Variants in CDC42BPA observed in about 807,000 individuals in gnomAD.
CDC42BPA encodes CDC42 binding protein kinase alpha.
In CDC42BPA, 80 loss-of-function variants were observed where a neutral mutation model predicts 223.5. The observed-to-expected ratio is 0.36, with a 90% confidence interval of 0.30 to 0.43. CDC42BPA has a LOEUF of 0.43. Among genes scored for constraint, CDC42BPA ranks in the 20% least tolerant of loss-of-function variants. The pLI, the probability that CDC42BPA is intolerant of heterozygous loss-of-function variation, is 1.00. For missense variants in CDC42BPA, 1,743 were observed against 2,099.9 expected, an observed-to-expected ratio of 0.83 and a Z score of 3.32; for synonymous variants, 694 against 718.6, an observed-to-expected ratio of 0.97 and a Z score of 0.55.
At chr1:227,008,371 T>C (rs1664507728) in intron 34 of CDC42BPA, among the ~76,000 whole-genome samples, 2 of 152,364 alleles carry the variant, frequency 1.3e-5, no homozygotes, top group East Asian at 1.9e-4. Context: ...TTTGCTATAA[T>C]ATGGTATAGA....
intron 1 of CDC42BPA, among the ~76,000 whole-genome samples, chr1:227,301,204 C>T (rs1691564279): frequency 6.6e-6 from 1 of 152,184 alleles, no homozygotes; most frequent in African/African-American, 2.4e-5. Flanking sequence ...AAGAAAAAGA[C>T]TGATCTGCTC....
chr1:227,311,102 C>T (rs1316839892), intron 1 of CDC42BPA, among the ~76,000 whole-genome samples: 3 of 152,136 alleles, frequency 2.0e-5, no homozygotes, highest in Admixed American at 6.5e-5. Context: ...ACTTGCAATT[C>T]CAACACTTTG....
chr1:227,282,782 G>A (rs968074452), intron 1 of CDC42BPA, among the ~76,000 whole-genome samples: 25 of 152,296 alleles, frequency 1.6e-4, no homozygotes, highest in African/African-American at 5.5e-4. Flanking sequence ...AGGTACTTAA[G>A]AGTAGTCAAA....
intron 12 of CDC42BPA, among the ~76,000 whole-genome samples, chr1:227,118,712 G>A (rs549566005): frequency 2.8e-4 from 42 of 152,140 alleles, no homozygotes; most frequent in African/African-American, 9.9e-4. Flanking sequence ...CGCCGATTAT[G>A]TTAACTAAAT....
rs1366159365 is a variant in CDC42BPA at position 227,139,645 on chromosome 1, T to C, written c.1321A>G (p.Thr441Ala). The C allele has an allele frequency of 4.3e-6, 7 of 1,612,156 alleles. No individual in the cohort carries two copies. The highest frequency in any genetic ancestry group is 5.1e-6 in the Non-Finnish European group (6 of 1,179,122). ...VQRTLDNNLA[T>A]EAYERRIKRL... is the part of the protein sequence containing the mutation. Reference sequence around the variant, plus strand: ...TTAATTCTTCTTTCATAAGCTTCAGTTGCTAAGTTGTTGTCTAGAGTCCTC... The same window carrying C: ...TTAATTCTTCTTTCATAAGCTTCAGCTGCTAAGTTGTTGTCTAGAGTCCTC... Residue 441 changes from threonine to alanine, a missense_variant, in exon 10 of 37, where the codon ACT becomes GCT. Physicochemically the swap from Thr to Ala is moderately conservative, Grantham distance 58. Coordinates refer to ENST00000366766, the MANE Select transcript of CDC42BPA (RefSeq NM_001394014.1).
intron 1 of CDC42BPA, among the ~76,000 whole-genome samples, chr1:227,299,360 T>C (rs1572943601): frequency 6.6e-6 from 1 of 152,200 alleles, no homozygotes; most frequent in South Asian, 2.1e-4. Flanking sequence ...GAAATACTTC[T>C]ACAGCTGGAG....
intron 1 of CDC42BPA, among the ~76,000 whole-genome samples, chr1:227,298,175 C>T (rs962824943): frequency 6.6e-6 from 1 of 151,468 alleles, no homozygotes; most frequent in Non-Finnish European, 1.5e-5. Flanking sequence ...AGAATACCTC[C>T]CTCCCCAGAG....
At chr1:227,198,181 T>C (rs1572293153) in intron 4 of CDC42BPA, among the ~76,000 whole-genome samples, 1 of 151,990 alleles carries the variant, frequency 6.6e-6, no homozygotes, top group Admixed American at 6.5e-5. Context: ...CTGGGCATGG[T>C]GGCTCATGCC....
chr1:227,318,157 G>GGGGGC lies in CDC42BPA; in HGVS notation c.-976_-975insGCCCC, dbSNP rs1260360493. ...GGAGGCTCCCGACGCCCCAGGCGGG[G>GGGGGC]GGGTGCTTCTCTGAATTCAAAGGAC... is the stretch of plus-strand genomic sequence containing the variant. On this transcript the variant is annotated 5_prime_UTR_variant, in exon 1 of 37. Transcript: ENST00000366766. 1 of 166,726 alleles carries GGGGGC rather than the reference G, an allele frequency of 6.0e-6. No homozygotes were observed. Among genetic ancestry groups the GGGGGC allele is most frequent in the African/African-American group, 2.4e-5 (1 of 41,764 alleles). 10.3% of individuals were successfully genotyped at this position (166,726 alleles called of 1,614,324 possible). A position where few individuals can be genotyped will look rare whatever the true frequency, so the allele number is the denominator to read the frequency against.
intron 11 of CDC42BPA, among the ~76,000 whole-genome samples, chr1:227,124,993 C>T (rs1689295377): frequency 6.6e-6 from 1 of 152,038 alleles, no homozygotes; most frequent in African/African-American, 2.4e-5. Flanking sequence ...TGATAAACAA[C>T]ATAACGGTGA....
intron 32 of CDC42BPA, among the ~76,000 whole-genome samples, chr1:227,017,591 T>C (rs761439714): frequency 2.8e-4 from 42 of 152,230 alleles, no homozygotes; most frequent in South Asian, 8.3e-4. Flanking sequence ...GTGCTTCCAC[T>C]ACCCTTCCTT....
chr1:227,179,950 G>A (rs972593394), intron 5 of CDC42BPA, among the ~76,000 whole-genome samples: 1 of 152,174 alleles, frequency 6.6e-6, no homozygotes, highest in African/African-American at 2.4e-5. Flanking sequence ...GTTCACGCCT[G>A]TAATCCCAGT....
intron 5 of CDC42BPA, among the ~76,000 whole-genome samples, chr1:227,169,464 A>G (rs892839856): frequency 5.3e-5 from 8 of 152,076 alleles, no homozygotes; most frequent in Admixed American, 5.2e-4. Flanking sequence ...TTTCTTGGGA[A>G]GAAGTTTCTT....
chr1:227,197,092 T>G (rs1179974922), intron 4 of CDC42BPA, among the ~76,000 whole-genome samples: 1 of 152,186 alleles, frequency 6.6e-6, no homozygotes, highest in Admixed American at 6.5e-5. Context: ...ACTATTGTAG[T>G]AAGTAGGTTA....
intron 3 of CDC42BPA, among the ~76,000 whole-genome samples, chr1:227,209,525 C>T (rs372252477): frequency 2.9e-5 from 4 of 138,010 alleles, no homozygotes; most frequent in Non-Finnish European, 6.2e-5. Context: ...TTTTGAAATA[C>T]GTCCCATCAA....
At chr1:227,213,760 TAC>T (rs1674351499) in intron 2 of CDC42BPA, among the ~76,000 whole-genome samples, 1 of 151,900 alleles carries the variant, frequency 6.6e-6, no homozygotes, top group South Asian at 2.1e-4. Flanking sequence ...CCAAACCACA[TAC>T]ACACATATAC....
rs986600646 is a variant in CDC42BPA at position 226,994,567 on chromosome 1, A to G, written c.5134-168T>C. Reference sequence around the variant, plus strand: ...ATGAGCTGAGGAAGAGGCACGGAACATACAAGCTCCGTCCTTTCTGTAGGC... The same window carrying G: ...ATGAGCTGAGGAAGAGGCACGGAACGTACAAGCTCCGTCCTTTCTGTAGGC... On this transcript the variant is annotated intron_variant, in intron 36 of 36. Coordinates refer to ENST00000366766, the MANE Select transcript of CDC42BPA (RefSeq NM_001394014.1). This position sits in a 1 kb window ranked among gnomAD's most constrained non-coding sequence, Gnocchi z 4.0. 6.6e-6 allele frequency among the ~76,000 whole-genome samples: 1 copy of G among 152,200 alleles called. No individual in the cohort carries two copies. Among genetic ancestry groups the G allele is most frequent in the African/African-American group, 2.4e-5 (1 of 41,444 alleles).
intron 1 of CDC42BPA, among the ~76,000 whole-genome samples, chr1:227,288,703 A>G (rs1315221941): frequency 4.6e-5 from 7 of 151,924 alleles, no homozygotes; most frequent in Non-Finnish European, 2.9e-5. Context: ...CTCAAAAAAA[A>G]AATTTTTAAG....
intron 11 of CDC42BPA, among the ~76,000 whole-genome samples, chr1:227,127,310 T>C (rs1330253363): frequency 5.3e-5 from 8 of 152,202 alleles, no homozygotes; most frequent in East Asian, 1.9e-4. Flanking sequence ...AGCTCTTACA[T>C]AGAGCTAACA....
Sources: allele counts gnomAD v4.1 joint callset (sites outside exome capture counted in the v4.1 genomes callset), GRCh38; gene constraint gnomAD v4.1.1; non-coding constraint Gnocchi (gnomAD v3.1); transcripts MANE v1.5; gene names NCBI Gene and HGNC (gene_info 2026-07-23, HGNC 2026-07-21).